The following ARFGEF3 variants were observed in gnomAD, a reference collection of about 807,000 sequenced individuals.
The protein encoded by ARFGEF3 is ARFGEF family member 3.
Under a neutral mutation model 221.7 loss-of-function variants are expected in ARFGEF3, and 96 were observed. The ratio of observed to expected loss-of-function variants is 0.43; its 90% CI spans 0.37 to 0.51. ARFGEF3 has a LOEUF of 0.51. Ranked by LOEUF, ARFGEF3 falls within the 20% of genes least tolerant of loss-of-function variation. ARFGEF3 has a pLI of 0.00. For synonymous variants in ARFGEF3, 1,145 were observed against 1,126.8 expected, an observed-to-expected ratio of 1.02 and a Z score of -0.32; for missense variants, 2,410 against 2,789.9, an observed-to-expected ratio of 0.86 and a Z score of 3.07.
chr6:138,273,667 C>T (rs1385975605), intron 12 of ARFGEF3, among the ~76,000 whole-genome samples: 2 of 152,092 alleles, frequency 1.3e-5, no homozygotes, highest in African/African-American at 4.8e-5. Flanking sequence ...AAGACCTTTG[C>T]CGATTTTGAG....
chr6:138,333,570 TA>T (rs1407619053), intron 32 of ARFGEF3, among the ~76,000 whole-genome samples: 1 of 152,080 alleles, frequency 6.6e-6, no homozygotes, highest in Non-Finnish European at 1.5e-5. Flanking sequence ...GCCTCCCTAG[TA>T]AGCTGGGACT....
intron 1 of ARFGEF3, among the ~76,000 whole-genome samples, chr6:138,169,955 G>A (rs941128661): frequency 1.3e-5 from 2 of 152,208 alleles, no homozygotes; most frequent in Admixed American, 6.5e-5. Flanking sequence ...TCCAAGGAGT[G>A]AAGAAAGGGG....
At chr6:138,177,089 ATTTATTTATAT>A (rs1230250913) in intron 2 of ARFGEF3, among the ~76,000 whole-genome samples, 2,089 of 139,016 alleles carry the variant, frequency 0.015, 32 homozygotes, top group Middle Eastern at 0.063. Context: ...TTATTTATTT[ATTTATTTATAT>A]TTTTTTTGAG....
intron 10 of ARFGEF3, among the ~76,000 whole-genome samples, chr6:138,258,574 G>A (rs756725862): frequency 2.6e-5 from 4 of 152,078 alleles, no homozygotes; most frequent in Admixed American, 6.6e-5. Context: ...ATTCCATCCC[G>A]CCATTTAACA....
chr6:138,277,967 A>G (rs1779126823), intron 12 of ARFGEF3, among the ~76,000 whole-genome samples: 1 of 152,242 alleles, frequency 6.6e-6, no homozygotes, highest in Admixed American at 6.5e-5. Context: ...AGATCATTCT[A>G]GGAGTGACAA....
intron 12 of ARFGEF3, among the ~76,000 whole-genome samples, chr6:138,278,244 A>C (rs1779133148): frequency 6.6e-6 from 1 of 152,216 alleles, no homozygotes; most frequent in African/African-American, 2.4e-5. Flanking sequence ...ATCCAGGCCC[A>C]GGCAGATCCA....
chr6:138,192,961 A>G (rs915966150), intron 2 of ARFGEF3, among the ~76,000 whole-genome samples: 14 of 152,138 alleles, frequency 9.2e-5, no homozygotes, highest in Non-Finnish European at 4.4e-5. Flanking sequence ...CATTGTAGCC[A>G]GAGTTCCATT....
intron 2 of ARFGEF3, among the ~76,000 whole-genome samples, chr6:138,183,241 G>C (rs1777116666): frequency 6.6e-6 from 1 of 152,088 alleles, no homozygotes; most frequent in South Asian, 2.1e-4. Context: ...CCCCAACTCT[G>C]AAATAAAGCT....
intron 23 of ARFGEF3, among the ~76,000 whole-genome samples, chr6:138,307,779 G>T (rs373401434): frequency 3.4e-4 from 51 of 152,156 alleles, no homozygotes; most frequent in Non-Finnish European, 6.9e-4. Flanking sequence ...GAAATGGATG[G>T]GTACCCATAA....
At chr6:138,209,083 G>GA (rs1370151402) in intron 3 of ARFGEF3, among the ~76,000 whole-genome samples, 2 of 152,140 alleles carry the variant, frequency 1.3e-5, no homozygotes, top group Non-Finnish European at 2.9e-5. Context: ...TCATAACAAT[G>GA]AATGTCTTCT....
rs577468115 is a variant in ARFGEF3 at position 138,236,308 on chromosome 6, T to C, written c.421-2201T>C. Among the ~76,000 whole-genome samples the C allele has an allele frequency of 2.6e-5, 4 of 152,326 alleles. No individual in the cohort carries two copies. The East Asian group carries it at 5.8e-4, about 22-fold the overall frequency. On this transcript the variant is annotated intron_variant, in intron 5 of 33. Coordinates refer to ENST00000251691, the MANE Select transcript of ARFGEF3 (RefSeq NM_020340.5). Reference sequence around the variant, plus strand: ...TATAGATCTTGAAGATCAACAGTTATAAAGATTTCTGGGGAAAATGTAAGA... The same window carrying C: ...TATAGATCTTGAAGATCAACAGTTACAAAGATTTCTGGGGAAAATGTAAGA...
At chr6:138,264,385 G>C (rs552969258) in intron 12 of ARFGEF3, among the ~76,000 whole-genome samples, 16 of 152,228 alleles carry the variant, frequency 1.1e-4, no homozygotes, top group African/African-American at 3.9e-4. Flanking sequence ...TAAAATTTAT[G>C]GTGGGAATAA....
chr6:138,315,894 A>C (rs967302547), intron 26 of ARFGEF3, among the ~76,000 whole-genome samples: 3 of 152,168 alleles, frequency 2.0e-5, no homozygotes, highest in Admixed American at 6.5e-5. Flanking sequence ...TGTGAGGAAT[A>C]ATTACAGGAA....
chr6:138,324,127 C>T lies in ARFGEF3; in HGVS notation c.4974C>T (p.Tyr1658=), dbSNP rs1780087584. 6.2e-6 allele frequency: 10 copies of T among 1,613,676 alleles called. No individual in the cohort carries two copies. The highest frequency in any genetic ancestry group is 1.3e-5 in the African/African-American group (1 of 74,938). Residue 1658 remains tyrosine, a synonymous_variant, in exon 31 of 34, where the codon TAC becomes TAT. Coordinates refer to ENST00000251691, the MANE Select transcript of ARFGEF3 (RefSeq NM_020340.5). The part of the protein sequence containing the change: ...PSSSPSAEAE[Y]WRIRAMAQQV... ...CCTCCCCAAGTGCCGAGGCCGAGTA[C>T]TGGCGCATCCGAGCCATGGCCCAGC...
intron 12 of ARFGEF3, among the ~76,000 whole-genome samples, chr6:138,267,568 C>T (rs1778921240): frequency 6.6e-6 from 1 of 152,210 alleles, no homozygotes; most frequent in Non-Finnish European, 1.5e-5. Context: ...GTGGTGAGGA[C>T]TGACTTCCAA....
Position 138,255,568 on chromosome 6 carries a change from C to A in ARFGEF3, c.903C>A (p.His301Gln). Residue 301 changes from histidine (H) to glutamine (Q), a missense_variant, in exon 10 of 34, where the codon CAC becomes CAA. Physicochemically the swap from His to Gln is conservative, Grantham distance 24. Transcript: ENST00000251691. The stretch of plus-strand genomic sequence containing the variant: ...CTGCGTCTCCGGGAGTGTCTGACCA[C>A]GGCCGAGGATCAGGCTGCTCCTGCA... ...SDSASPGVSDHGRGSGCSCTA... is the reference protein window; with the variant it reads ...SDSASPGVSDQGRGSGCSCTA... The A allele has an allele frequency of 6.2e-7, 1 of 1,614,014 alleles. No homozygotes were observed. Among genetic ancestry groups the A allele is most frequent in the Non-Finnish European group, 8.5e-7 (1 of 1,179,894 alleles).
At chr6:138,186,701 G>A (rs1777190529) in intron 2 of ARFGEF3, among the ~76,000 whole-genome samples, 1 of 152,096 alleles carries the variant, frequency 6.6e-6, no homozygotes, top group Non-Finnish European at 1.5e-5. Context: ...TCTGAAAGTG[G>A]AGGCTGTTAG....
rs188597444 is a variant in ARFGEF3 at position 138,173,536 on chromosome 6, G to A, written c.137+2823G>A. 1.4e-3 allele frequency among the ~76,000 whole-genome samples: 211 copies of A among 152,274 alleles called. 1 individual carries two copies. Among genetic ancestry groups the A allele is most frequent in the Middle Eastern group, 0.01 (3 of 294 alleles). ...CTGGGAATGTTTAAAATTGTTGGGC[G>A]CATACATATATTTAGAATTGTTATA... is the stretch of plus-strand genomic sequence containing the variant. On this transcript the variant is annotated intron_variant, in intron 2 of 33. Coordinates refer to ENST00000251691, the MANE Select transcript of ARFGEF3 (RefSeq NM_020340.5).
intron 10 of ARFGEF3, 78 bp from the exon 11 acceptor site, chr6:138,261,449 T>C (rs1778791643): frequency 1.2e-6 from 1 of 813,974 alleles, no homozygotes; most frequent in Middle Eastern, 2.7e-4. Context: ...TACATGTTTT[T>C]TTGATCTCAC....
Sources: gnomAD v4.1 joint callset for allele counts (sites outside exome capture counted in the v4.1 genomes callset) on GRCh38, gnomAD v4.1.1 for gene constraint, MANE v1.5 for transcripts, NCBI Gene and HGNC (gene_info 2026-07-23, HGNC 2026-07-21) for gene names.